ANK3: variants seen among roughly 807,000 people sequenced by gnomAD.
The protein encoded by ANK3 is ankyrin 3.
In ANK3, 57 loss-of-function variants were observed where a neutral mutation model predicts 370.9. The ratio of observed to expected loss-of-function variants is 0.15; its 90% CI spans 0.12 to 0.19. The LOEUF is 0.19. ANK3 is among the 10% of genes least tolerant of loss of function. The probability of loss-of-function intolerance (pLI) is 1.00; values close to 1 mark genes in which losing one functional copy is unlikely to be tolerated. For missense variants in ANK3, 4,439 were observed against 5,302.1 expected (o/e 0.84, Z 5.06); for synonymous variants, 1,929 against 1,946.3 (o/e 0.99, Z 0.23).
At position 60,076,227 on chromosome 10, in the gene ANK3, T is replaced by C. The variant is rs2083768854; in HGVS notation, c.4654A>G (p.Thr1552Ala). ...SVSTPSPIKS[T>A]LGASTTSSVK... ...GAAGATGTAGTTGACGCGCCTAATGTGGATTTGATTGGAGAAGGTGTCGAA... is the reference window on the plus strand; with the variant it reads ...GAAGATGTAGTTGACGCGCCTAATGCGGATTTGATTGGAGAAGGTGTCGAA... The change falls in exon 37 of 44, where the codon ACA (threonine) becomes GCA (alanine). Residue 1552 changes from threonine (T) to alanine (A), a missense_variant. This residue lies in a region of ANK3 where 679 missense variants were observed against 791.0 expected (regional missense o/e 0.86). Coordinates refer to ENST00000280772, the MANE Select transcript of ANK3 (RefSeq NM_020987.5). 1 of 1,614,140 alleles carries C rather than the reference T, an allele frequency of 6.2e-7. No individual in the cohort carries two copies.
At chr10:60,258,912 C>T (rs1271209044) in intron 7 of ANK3, among the ~76,000 whole-genome samples, 1 of 152,210 alleles carries the variant, frequency 6.6e-6, no homozygotes. Flanking sequence ...CAATACCTCT[C>T]TCCAAACCTA....
intron 1 of ANK3, among the ~76,000 whole-genome samples, chr10:60,282,163 G>C (rs367894400): frequency 3.9e-5 from 6 of 152,246 alleles, no homozygotes; most frequent in African/African-American, 1.4e-4. Context: ...AATGACATCA[G>C]TCTGCCTGGA....
At chr10:60,258,949 C>A (rs2097770506) in intron 7 of ANK3, among the ~76,000 whole-genome samples, 2 of 152,224 alleles carry the variant, frequency 1.3e-5, no homozygotes. Context: ...TTTATGGTTA[C>A]AATTTGCAGC....
At chr10:60,441,436 T>G (rs1253853450) in intron 2 of ANK3, among the ~76,000 whole-genome samples, 2 of 152,138 alleles carry the variant, frequency 1.3e-5, no homozygotes, top group East Asian at 3.8e-4. Flanking sequence ...CAGAAGCCCA[T>G]TTTTTCCTCT....
chr10:60,337,330 T>C (rs79868571), intron 1 of ANK3, among the ~76,000 whole-genome samples: 246 of 152,260 alleles, frequency 1.6e-3, no homozygotes, highest in African/African-American at 5.7e-3. Flanking sequence ...GCCCCCATCT[T>C]GCTCCATTCT....
chr10:60,120,465 G>A (rs555204155), intron 25 of ANK3, among the ~76,000 whole-genome samples: 2 of 152,152 alleles, frequency 1.3e-5, no homozygotes, highest in East Asian at 3.9e-4. Flanking sequence ...ATAGACAACT[G>A]GGATCACATC....
At chr10:60,670,528 T>A (rs1228327005) in intron 1 of ANK3, among the ~76,000 whole-genome samples, 1 of 152,020 alleles carries the variant, frequency 6.6e-6, no homozygotes, top group African/African-American at 2.4e-5. Context: ...CTGCAATAGG[T>A]TTCTCACTGG....
At chr10:60,224,654 T>C (rs552651188) in intron 8 of ANK3, among the ~76,000 whole-genome samples, 1 of 152,258 alleles carries the variant, frequency 6.6e-6, no homozygotes, top group African/African-American at 2.4e-5. Flanking sequence ...CTTTCTTTTC[T>C]TTTTCACCAG....
At chr10:60,439,060 C>T (rs1319558178) in intron 2 of ANK3, among the ~76,000 whole-genome samples, 1 of 152,136 alleles carries the variant, frequency 6.6e-6, no homozygotes, top group Non-Finnish European at 1.5e-5. Flanking sequence ...TAAACACAAA[C>T]CAGCCAATCC....
intron 42 of ANK3, chr10:60,053,701 T>C (rs1171927827): frequency 7.7e-7 from 1 of 1,304,036 alleles, no homozygotes; most frequent in Admixed American, 2.3e-5. Context: ...CAGTCATCCG[T>C]GTAGGAGCCG....
intron 1 of ANK3, among the ~76,000 whole-genome samples, chr10:60,344,990 A>C (rs2055104654): frequency 6.6e-6 from 1 of 152,186 alleles, no homozygotes; most frequent in Admixed American, 6.6e-5. Context: ...TTGGGTCTTC[A>C]AATACAGGCC....
intron 4 of ANK3, among the ~76,000 whole-genome samples, chr10:60,271,703 C>T (rs977610079): frequency 8.6e-5 from 13 of 151,984 alleles, no homozygotes; most frequent in African/African-American, 2.9e-4. Context: ...TATATGATCA[C>T]CTTACTTATC....
rs549748466 is a variant in ANK3, at chr10:60,603,883, C to G, written c.96+11303G>C. Reference sequence around the variant, plus strand: ...ATACAGTGAACAGTTCTGAGGCACACTCCTCAGTCTCACTCAATACACATC... The same window carrying G: ...ATACAGTGAACAGTTCTGAGGCACAGTCCTCAGTCTCACTCAATACACATC... On this transcript the variant is annotated intron_variant, in intron 2 of 43. Transcript: ENST00000373827. Among the ~76,000 whole-genome samples the G allele has an allele frequency of 3.3e-5, 5 of 152,218 alleles. No individual in the cohort carries two copies. The East Asian group carries it at 5.8e-4, about 18-fold the overall frequency.
chr10:60,397,175 T>C (rs921041223), intron 2 of ANK3, among the ~76,000 whole-genome samples: 1 of 151,148 alleles, frequency 6.6e-6, no homozygotes, highest in Non-Finnish European at 1.5e-5. Context: ...ATTCGTTGAT[T>C]TAGGAGGTCA....
intron 2 of ANK3, among the ~76,000 whole-genome samples, chr10:60,591,974 C>T (rs901023608): frequency 7.9e-5 from 12 of 151,860 alleles, no homozygotes; most frequent in East Asian, 1.9e-4. Context: ...TTAATGGGTA[C>T]GAAAAAATAG....
At chr10:60,208,904 T>C (rs1453276213) in intron 9 of ANK3, among the ~76,000 whole-genome samples, 1 of 152,220 alleles carries the variant, frequency 6.6e-6, no homozygotes, top group Non-Finnish European at 1.5e-5. Context: ...GGCAAGGCAT[T>C]GACAAAGCCA....
chr10:60,716,518 A>G (rs1187159922), intron 1 of ANK3, among the ~76,000 whole-genome samples: 2 of 152,198 alleles, frequency 1.3e-5, no homozygotes, highest in Admixed American at 1.3e-4. Flanking sequence ...AATTTAAAAA[A>G]AAAATTTAGG....
At chr10:60,358,258 C>T (rs1566824023) in intron 1 of ANK3, among the ~76,000 whole-genome samples, 1 of 152,150 alleles carries the variant, frequency 6.6e-6, no homozygotes, top group Non-Finnish European at 1.5e-5. Flanking sequence ...CTCTCTTTAA[C>T]CCACCTAGCA....
intron 2 of ANK3, among the ~76,000 whole-genome samples, chr10:60,484,860 C>T (rs1426059060): frequency 6.6e-6 from 1 of 152,056 alleles, no homozygotes; most frequent in Non-Finnish European, 1.5e-5. Flanking sequence ...ATGTTACTTT[C>T]CTTTTATATC....
Sources: allele counts gnomAD v4.1 joint callset (sites outside exome capture counted in the v4.1 genomes callset), GRCh38; gene constraint gnomAD v4.1.1; regional missense constraint gnomAD v4.1.1; transcripts MANE v1.5; gene names NCBI Gene and HGNC (gene_info 2026-07-23, HGNC 2026-07-21).